Variants in TRPM3 observed in about 807,000 individuals in gnomAD.
The protein encoded by TRPM3 is long transient receptor potential channel 3.
In TRPM3, 77 loss-of-function variants were observed where a neutral mutation model predicts 181.2. The ratio of observed to expected loss-of-function variants is 0.42; its 90% CI spans 0.35 to 0.51. The LOEUF (loss-of-function observed/expected upper bound fraction) is 0.51. Ranked by LOEUF, TRPM3 falls within the 20% of genes least tolerant of loss-of-function variation. TRPM3 has a pLI of 0.01. For missense variants in TRPM3, 1,759 were observed against 2,196.7 expected, an observed-to-expected ratio of 0.80 and a Z score of 3.98; for synonymous variants, 745 against 796.4, an observed-to-expected ratio of 0.94 and a Z score of 1.09.
intron 1 of TRPM3, among the ~76,000 whole-genome samples, chr9:71,261,187 A>G (rs995692923): frequency 6.6e-6 from 1 of 152,162 alleles, no homozygotes; most frequent in Non-Finnish European, 1.5e-5. Context: ...TATTCCTTGG[A>G]GGCTTTGTTC....
At chr9:71,241,775 T>C (rs2081707207) in intron 1 of TRPM3, among the ~76,000 whole-genome samples, 1 of 152,158 alleles carries the variant, frequency 6.6e-6, no homozygotes, top group South Asian at 2.1e-4. Context: ...AAACTCATCC[T>C]GCAAAAAAAA....
chr9:71,303,160 C>T (rs2086934862), intron 1 of TRPM3, among the ~76,000 whole-genome samples: 1 of 152,004 alleles, frequency 6.6e-6, no homozygotes. Context: ...CTCCATCTTC[C>T]CTAAGAAAAG....
At chr9:70,860,901 C>T (rs1473611490) in intron 3 of TRPM3, among the ~76,000 whole-genome samples, 2 of 151,976 alleles carry the variant, frequency 1.3e-5, no homozygotes, top group South Asian at 2.1e-4. Flanking sequence ...ACAGTAATAC[C>T]AACCATTTAT....
chr9:70,700,914 G>C (rs1452922510), intron 8 of TRPM3, among the ~76,000 whole-genome samples: 1 of 152,194 alleles, frequency 6.6e-6, no homozygotes, highest in Non-Finnish European at 1.5e-5. Flanking sequence ...TTACTGTAGA[G>C]GGCAGGTTGT....
chr9:71,380,069 T>TA (rs1263173685), intron 1 of TRPM3, among the ~76,000 whole-genome samples: 2 of 152,074 alleles, frequency 1.3e-5, no homozygotes. Context: ...TGTGTATGTA[T>TA]AGTTTCAGGA....
intron 1 of TRPM3, among the ~76,000 whole-genome samples, chr9:71,348,184 G>A (rs916461420): frequency 7.2e-5 from 11 of 152,192 alleles, no homozygotes; most frequent in South Asian, 4.2e-4. Context: ...ATTTCAGTGC[G>A]CAATGAAACT....
intron 1 of TRPM3, among the ~76,000 whole-genome samples, chr9:70,993,486 A>G (rs914456307): frequency 1.3e-5 from 2 of 152,180 alleles, no homozygotes; most frequent in Non-Finnish European, 2.9e-5. Context: ...CCTCCTATTG[A>G]CTGGGATAAT....
At chr9:71,079,609 AT>A (rs1305974399) in intron 1 of TRPM3, among the ~76,000 whole-genome samples, 1 of 152,150 alleles carries the variant, frequency 6.6e-6, no homozygotes, top group African/African-American at 2.4e-5. Flanking sequence ...TGGAAAGTAA[AT>A]AGTTCTTTAT....
intron 1 of TRPM3, among the ~76,000 whole-genome samples, chr9:70,926,588 G>T (rs1413358283): frequency 1.3e-5 from 2 of 152,094 alleles, no homozygotes; most frequent in Non-Finnish European, 2.9e-5. Flanking sequence ...ACCTAATAGT[G>T]CTTCAAAGAA....
chr9:70,830,980 T>C (rs943204199), intron 5 of TRPM3, among the ~76,000 whole-genome samples: 9 of 152,282 alleles, frequency 5.9e-5, no homozygotes, highest in African/African-American at 2.2e-4. Context: ...TTGCACGAGA[T>C]AGAAATCAAT....
intron 3 of TRPM3, among the ~76,000 whole-genome samples, chr9:70,857,717 A>G (rs891690854): frequency 1.1e-4 from 17 of 152,164 alleles, no homozygotes; most frequent in African/African-American, 3.4e-4. Context: ...AAATAATTTA[A>G]CTTCTCTAGG....
intron 11 of TRPM3, among the ~76,000 whole-genome samples, chr9:70,636,106 C>T (rs914143938): frequency 6.6e-6 from 1 of 152,168 alleles, no homozygotes; most frequent in Non-Finnish European, 1.5e-5. Context: ...ACGGTCTTTA[C>T]TGAAACTGTT....
At chr9:71,153,163 T>C (rs1587675500) in intron 1 of TRPM3, among the ~76,000 whole-genome samples, 1 of 152,152 alleles carries the variant, frequency 6.6e-6, no homozygotes, top group Admixed American at 6.5e-5. Flanking sequence ...CCATATAGGG[T>C]AATATCAGTA....
intron 1 of TRPM3, among the ~76,000 whole-genome samples, chr9:70,957,874 G>T (rs1288325212): frequency 1.3e-5 from 2 of 152,134 alleles, no homozygotes; most frequent in African/African-American, 2.4e-5. Context: ...CTTTGTAAAA[G>T]GATGTTATGT....
At chr9:70,638,102 A>G (rs2057501411) in intron 11 of TRPM3, among the ~76,000 whole-genome samples, 1 of 152,148 alleles carries the variant, frequency 6.6e-6, no homozygotes, top group Admixed American at 6.6e-5. Flanking sequence ...TAAGGCCATT[A>G]TAAGAGAAGC....
chr9:70,830,215 A>G (rs1490422583), intron 5 of TRPM3, among the ~76,000 whole-genome samples: 1 of 152,248 alleles, frequency 6.6e-6, no homozygotes, highest in African/African-American at 2.4e-5. Flanking sequence ...ATATTTAAAG[A>G]CTATCAGTGA....
chr9:71,192,579 T>C (rs1235600750), intron 1 of TRPM3, among the ~76,000 whole-genome samples: 2 of 151,940 alleles, frequency 1.3e-5, no homozygotes, highest in African/African-American at 4.8e-5. Context: ...TAATTATTCA[T>C]GTTCTTTGCC....
At chr9:71,051,491 A>G (rs1459614695) in intron 1 of TRPM3, among the ~76,000 whole-genome samples, 1 of 152,130 alleles carries the variant, frequency 6.6e-6, no homozygotes, top group African/African-American at 2.4e-5. Flanking sequence ...ACACATGAGC[A>G]TGTGTCTCAA....
intron 1 of TRPM3, among the ~76,000 whole-genome samples, chr9:71,163,059 C>A (rs2076355997): frequency 6.6e-6 from 1 of 152,038 alleles, no homozygotes; most frequent in African/African-American, 2.4e-5. Context: ...TAAGCCAAGG[C>A]CGATTTATAA....
Sources: allele counts gnomAD v4.1 joint callset (sites outside exome capture counted in the v4.1 genomes callset), GRCh38; gene constraint gnomAD v4.1.1; transcripts MANE v1.5; gene names NCBI Gene and HGNC (gene_info 2026-07-23, HGNC 2026-07-21).